PPM1E: variants seen among roughly 807,000 people sequenced by gnomAD.
PPM1E encodes protein phosphatase, Mg2+/Mn2+ dependent 1E, also known as protein phosphatase 1E.
PPM1E carries 20 observed loss-of-function variants against 65.9 expected under a neutral mutation model. The observed-to-expected ratio is 0.30, with a 90% CI of 0.21 to 0.44. PPM1E has a LOEUF of 0.44. Ranked by LOEUF, PPM1E falls within the 20% of genes least tolerant of loss-of-function variation. The pLI is 1.00. For synonymous variants in PPM1E, 352 were observed against 374.9 expected (o/e 0.94, Z 0.70); for missense variants, 713 against 953.1 (o/e 0.75, Z 3.32).
chr17:58,831,738 C>T (rs1194983808), intron 1 of PPM1E, among the ~76,000 whole-genome samples: 1 of 152,176 alleles, frequency 6.6e-6, no homozygotes, highest in Non-Finnish European at 1.5e-5. Context: ...ACTCAGCTTT[C>T]TCTGTTCTGG....
chr17:58,936,494 A>G (rs2051982521), intron 1 of PPM1E, among the ~76,000 whole-genome samples: 1 of 152,160 alleles, frequency 6.6e-6, no homozygotes, highest in Non-Finnish European at 1.5e-5. Context: ...TACCTTAGCA[A>G]TGCTATGCCA....
At chr17:58,880,056 G>C (rs1423027601) in intron 1 of PPM1E, among the ~76,000 whole-genome samples, 1 of 152,176 alleles carries the variant, frequency 6.6e-6, no homozygotes, top group Admixed American at 6.5e-5. Context: ...TCAATCACTG[G>C]TATACTGAAT....
intron 1 of PPM1E, chr17:58,836,140 A>G (rs1485016634): frequency 1.3e-5 from 2 of 152,172 alleles, no homozygotes; most frequent in Non-Finnish European, 2.9e-5. Context: ...AATGCTGCCC[A>G]GAGCAAAACC....
chr17:58,952,303 G>A (rs1163351440), intron 1 of PPM1E, among the ~76,000 whole-genome samples: 1 of 152,266 alleles, frequency 6.6e-6, no homozygotes, highest in South Asian at 2.1e-4. Flanking sequence ...CTCTGGCTGG[G>A]GGCACATGTG....
At chr17:58,950,170 T>C (rs888227089) in intron 1 of PPM1E, among the ~76,000 whole-genome samples, 1 of 150,008 alleles carries the variant, frequency 6.7e-6, no homozygotes, top group Admixed American at 6.6e-5. Flanking sequence ...GAGACCAGCC[T>C]GACCAACATG....
In PPM1E at chr17:58,919,487, C is replaced by T. The variant is rs1598649623; in HGVS notation, c.465-36162C>T. On this transcript the variant is annotated intron_variant, in intron 1 of 6. Transcript: ENST00000308249. Reference sequence around the variant, plus strand: ...TTTTGAAACCATTTTAGATTTACAGCGAGTTGAAAAGATAGAGGCTGGGCA... The same window carrying T: ...TTTTGAAACCATTTTAGATTTACAGTGAGTTGAAAAGATAGAGGCTGGGCA... Among the ~76,000 whole-genome samples the T allele has an allele frequency of 3.9e-5, 6 of 151,946 alleles. No individual in the cohort carries two copies. The South Asian group carries it at 1.2e-3, about 31-fold the overall frequency.
At chr17:58,950,526 CTCTTT>C (rs1194998583) in intron 1 of PPM1E, among the ~76,000 whole-genome samples, 1 of 152,138 alleles carries the variant, frequency 6.6e-6, no homozygotes, top group African/African-American at 2.4e-5. Context: ...TACACCATCT[CTCTTT>C]TCTTCTCCTT....
chr17:58,955,410 A>T (rs1438484553), intron 1 of PPM1E: 1 of 542,152 alleles, frequency 1.8e-6, no homozygotes, highest in African/African-American at 2.0e-5. Flanking sequence ...CTTTTAAGTT[A>T]TATCCTATTA....
intron 1 of PPM1E, among the ~76,000 whole-genome samples, chr17:58,932,206 C>T (rs570822603): frequency 2.0e-5 from 3 of 152,192 alleles, no homozygotes; most frequent in East Asian, 1.9e-4. Flanking sequence ...CGGTGGCTCA[C>T]GCCTGTAATC....
intron 1 of PPM1E, among the ~76,000 whole-genome samples, chr17:58,934,498 ATAG>A (rs1287709514): frequency 1.3e-5 from 2 of 152,328 alleles, no homozygotes; most frequent in East Asian, 3.9e-4. Context: ...AATCAGAAAA[ATAG>A]TAGTTTACCC....
rs780800779 is a variant in PPM1E, at chr17:58,756,087, G to T, written c.90G>T (p.Glu30Asp). Residue 30 changes from glutamate (E) to aspartate (D), a missense_variant, in exon 1 of 7, where the codon GAG becomes GAT. Physicochemically the swap from Glu to Asp is conservative, Grantham distance 45. This residue lies in a region of PPM1E where 212 missense variants were observed against 204.0 expected (regional missense o/e 1.04). Transcript: ENST00000308249. ...TTCGCGGACCGTGCGGCGGCGGCGA[G>T]CCGGAGCCGGAACCCGAACCCGAAC... ...GEFRGPCGGG[E>D]PEPEPEPEPE... The T allele has an allele frequency of 1.3e-6, 2 of 1,593,442 alleles. No individual in the cohort carries two copies. Among genetic ancestry groups the T allele is most frequent in the South Asian group, 1.1e-5 (1 of 89,778 alleles).
At chr17:58,973,539 G>A (rs1042761494) in intron 6 of PPM1E, among the ~76,000 whole-genome samples, 3 of 152,012 alleles carry the variant, frequency 2.0e-5, no homozygotes, top group African/African-American at 7.3e-5. Context: ...GTTGGGACAG[G>A]CACAGTGGCT....
chr17:58,797,806 G>T (rs773704211), intron 1 of PPM1E, among the ~76,000 whole-genome samples: 1 of 152,148 alleles, frequency 6.6e-6, no homozygotes, highest in Non-Finnish European at 1.5e-5. Flanking sequence ...TTCCAAACTT[G>T]TTATATCATT....
chr17:58,821,617 C>T lies in PPM1E; in HGVS notation c.464+65156C>T, dbSNP rs554985163. ...GCTTACGGCAGGGCAGGAACTTGCC[C>T]GATATAATAGAAAGAATTCCTTTGA... On this transcript the variant is annotated intron_variant, in intron 1 of 6. Transcript: ENST00000308249. 7.2e-5 allele frequency among the ~76,000 whole-genome samples: 11 copies of T among 152,082 alleles called. No individual in the cohort carries two copies. In the South Asian group the frequency reaches 1.0e-3, roughly 14 times the overall value.
At chr17:58,950,620 TTTTC>T (rs1379870186) in intron 1 of PPM1E, among the ~76,000 whole-genome samples, 30 of 152,118 alleles carry the variant, frequency 2.0e-4, no homozygotes, top group Non-Finnish European at 2.9e-5. Flanking sequence ...TTCTTTTTTC[TTTTC>T]TTTCTTTTTT....
rs1414201715 is a variant in PPM1E at position 58,952,452 on chromosome 17, C to G, written c.465-3197C>G. Among the ~76,000 whole-genome samples the G allele has an allele frequency of 2.0e-5, 3 of 152,144 alleles. No homozygotes were observed. In the East Asian group the frequency reaches 5.8e-4, roughly 29 times the overall value. ...AAGACCTGCCAGCCTGTTTCTCAGG[C>G]CCTGGGCATGGGCAGGCCTAGGGTC... On this transcript the variant is annotated intron_variant, in intron 1 of 6. Coordinates refer to ENST00000308249, the MANE Select transcript of PPM1E (RefSeq NM_014906.5).
At chr17:58,791,613 A>C (rs887452501) in intron 1 of PPM1E, among the ~76,000 whole-genome samples, 1 of 152,170 alleles carries the variant, frequency 6.6e-6, no homozygotes, top group African/African-American at 2.4e-5. Flanking sequence ...CATCCTACCC[A>C]AGCACAAAAT....
At chr17:58,825,357 C>T (rs2050524953) in intron 1 of PPM1E, among the ~76,000 whole-genome samples, 1 of 151,644 alleles carries the variant, frequency 6.6e-6, no homozygotes, top group Non-Finnish European at 1.5e-5. Context: ...ATCTTTTGAG[C>T]CCAGGAGTTT....
At chr17:58,830,260 G>C (rs902508478) in intron 1 of PPM1E, among the ~76,000 whole-genome samples, 13 of 151,718 alleles carry the variant, frequency 8.6e-5, no homozygotes, top group Admixed American at 2.6e-4. Context: ...TTAGTCTGTT[G>C]TCCCTCAGCT....
Sources: allele counts gnomAD v4.1 joint callset (sites outside exome capture counted in the v4.1 genomes callset), GRCh38; gene constraint gnomAD v4.1.1; regional missense constraint gnomAD v4.1.1; transcripts MANE v1.5; gene names NCBI Gene and HGNC (gene_info 2026-07-23, HGNC 2026-07-21).